The following JMJD1C variants were observed in gnomAD, a reference collection of about 807,000 sequenced individuals.
JMJD1C encodes jumonji domain containing 1C.
In JMJD1C, 31 loss-of-function variants were observed where a neutral mutation model predicts 245.3. The ratio of observed to expected loss-of-function variants is 0.13; its 90% CI spans 0.09 to 0.17. The LOEUF (loss-of-function observed/expected upper bound fraction) is 0.17, where lower values mean the gene tolerates loss of function less well. Among genes scored for constraint, JMJD1C ranks in the 10% least tolerant of loss-of-function variants. The pLI, the probability that JMJD1C is intolerant of heterozygous loss-of-function variation, is 1.00. For missense variants in JMJD1C, 2,691 were observed against 3,000.2 expected (o/e 0.90, Z 2.41); for synonymous variants, 1,057 against 1,017.4 (o/e 1.04, Z -0.74).
At chr10:63,386,013 A>C (rs747103359) in intron 1 of JMJD1C, among the ~76,000 whole-genome samples, 4 of 152,144 alleles carry the variant, frequency 2.6e-5, no homozygotes, top group Non-Finnish European at 5.9e-5. Flanking sequence ...TCACAAATGA[A>C]AAGATTCACT....
Position 63,193,549 on chromosome 10 carries a change from T to C in JMJD1C, c.5735-77A>G. On this transcript the variant is annotated intron_variant, in intron 14 of 25. Coordinates refer to ENST00000399262, the MANE Select transcript of JMJD1C (RefSeq NM_032776.3). ...TGTAAAATTTTTTTCTTACAATATT[T>C]TGTATTATAATTGGGAATAACGGAG... 3.9e-6 allele frequency: 4 copies of C among 1,018,518 alleles called. No individual in the cohort carries two copies. In the South Asian group the frequency reaches 7.4e-5, roughly 19 times the overall value. The allele number at this position is 1,018,518 out of a possible 1,614,324, so 63.1% of individuals were successfully genotyped here. A position where few individuals can be genotyped will look rare whatever the true frequency, so the allele number is the denominator to read the frequency against.
intron 2 of JMJD1C, among the ~76,000 whole-genome samples, chr10:63,276,567 C>T (rs1040924185): frequency 6.6e-6 from 1 of 152,064 alleles, no homozygotes; most frequent in African/African-American, 2.4e-5. Context: ...TGCCTGTGAT[C>T]CCAGCTACTC....
chr10:63,517,138 G>C (rs1250965003), intron 1 of JMJD1C, among the ~76,000 whole-genome samples: 1 of 152,130 alleles, frequency 6.6e-6, no homozygotes, highest in Non-Finnish European at 1.5e-5. Context: ...GAAATGCGAA[G>C]GTGACCTAGT....
intron 3 of JMJD1C, among the ~76,000 whole-genome samples, chr10:63,230,699 C>G (rs976482722): frequency 6.6e-6 from 1 of 151,840 alleles, no homozygotes; most frequent in African/African-American, 2.4e-5. Context: ...CACTTGAACC[C>G]AGCAAGCAGA....
chr10:63,200,583 C>A lies in JMJD1C; in HGVS notation c.5169G>T (p.Glu1723Asp). 3.1e-6 allele frequency: 5 copies of A among 1,613,962 alleles called. No homozygotes were observed. Among genetic ancestry groups the A allele is most frequent in the Non-Finnish European group, 4.2e-6 (5 of 1,179,898 alleles). The change falls in exon 11 of 26, where the codon GAG (glutamate) becomes GAT (aspartate). Residue 1723 changes from glutamate to aspartate, a missense_variant. Around this residue, in one of 9 missense-constraint regions of JMJD1C, gnomAD observed 139 missense variants for 270.5 expected, o/e 0.51. Transcript: ENST00000399262. ...GACACTTTTGTAAATTAGGCCCTAT[C>A]TCACAGCAGGAGTCATCCTGTAAAA... The part of the protein sequence containing the change: ...ESFLQDDSCC[E>D]IGPNLQKCRE...
At chr10:63,192,809 T>C in intron 16 of JMJD1C, 129 bp downstream of exon 16, 1 of 697,616 alleles carries the variant, frequency 1.4e-6, no homozygotes, top group Non-Finnish European at 2.4e-6. Flanking sequence ...ACCTAACCCA[T>C]AATTCAAGAA....
chr10:63,343,377 C>CAA (rs377040804), intron 2 of JMJD1C, among the ~76,000 whole-genome samples: 24 of 131,674 alleles, frequency 1.8e-4, no homozygotes, highest in African/African-American at 4.6e-4. Context: ...AAAAAAAAAA[C>CAA]AAAAAAAAAA....
chr10:63,242,195 T>C (rs932709784), intron 3 of JMJD1C, among the ~76,000 whole-genome samples: 1 of 152,094 alleles, frequency 6.6e-6, no homozygotes, highest in African/African-American at 2.4e-5. Context: ...CCAAAATACA[T>C]GGATGTCATT....
chr10:63,203,489 A>AT (rs1554835069), intron 10 of JMJD1C: 10 of 984,156 alleles, frequency 1.0e-5, no homozygotes, highest in Non-Finnish European at 1.2e-5. Context: ...CTTAAAAAAT[A>AT]TTTTTTTGGA....
intron 2 of JMJD1C, among the ~76,000 whole-genome samples, chr10:63,363,549 C>T (rs960946521): frequency 2.6e-4 from 39 of 152,114 alleles, no homozygotes; most frequent in African/African-American, 8.9e-4. Flanking sequence ...TGAGCCACCA[C>T]GCCTAACCCA....
At chr10:63,272,241 T>A (rs934805430) in intron 2 of JMJD1C, among the ~76,000 whole-genome samples, 3 of 152,144 alleles carry the variant, frequency 2.0e-5, no homozygotes, top group African/African-American at 7.2e-5. Flanking sequence ...AGAACATGCA[T>A]GATCCAGAAG....
chr10:63,337,583 GA>G (rs1318103518), intron 2 of JMJD1C, among the ~76,000 whole-genome samples: 2 of 91,328 alleles, frequency 2.2e-5, no homozygotes, highest in African/African-American at 6.9e-5. Context: ...GAAAAGAAAA[GA>G]AAAGAAAAGA....
Position 63,248,247 on chromosome 10 carries a change from G to A in JMJD1C, c.447+16404C>T, listed in dbSNP as rs1180026537. 3.9e-5 allele frequency among the ~76,000 whole-genome samples: 6 copies of A among 152,238 alleles called. No individual in the cohort carries two copies. In the East Asian group the frequency reaches 1.2e-3, roughly 29 times the overall value. On this transcript the variant is annotated intron_variant, in intron 3 of 25. Coordinates refer to ENST00000399262, the MANE Select transcript of JMJD1C (RefSeq NM_032776.3). ...GGAGGCCGAGGCAGGTGGATCACAA[G>A]GTCAGGAGATCGAGACCAGCCTGAC... is the stretch of plus-strand genomic sequence containing the variant.
At chr10:63,375,802 G>A (rs761963185) in intron 2 of JMJD1C, among the ~76,000 whole-genome samples, 17 of 151,596 alleles carry the variant, frequency 1.1e-4, no homozygotes, top group African/African-American at 2.4e-5. Context: ...CAATCCTCTC[G>A]CCTTAGCCTC....
intron 2 of JMJD1C, among the ~76,000 whole-genome samples, chr10:63,342,750 T>C (rs1031631771): frequency 5.9e-5 from 9 of 152,226 alleles, no homozygotes; most frequent in African/African-American, 1.2e-4. Context: ...TACTTATCAA[T>C]AGCATATAAT....
chr10:63,258,190 T>G (rs1854220469), intron 3 of JMJD1C, among the ~76,000 whole-genome samples: 1 of 152,218 alleles, frequency 6.6e-6, no homozygotes, highest in Non-Finnish European at 1.5e-5. Context: ...GTAGACAGTA[T>G]TTACAGTTGA....
intron 1 of JMJD1C, chr10:63,521,637 G>A: frequency 7.8e-7 from 1 of 1,275,980 alleles, no homozygotes; most frequent in Non-Finnish European, 1.0e-6. Context: ...TGTGGGAAGG[G>A]GAAGGAGCCG....
At chr10:63,486,286 CAGA>C (rs1954001182) in intron 1 of JMJD1C, among the ~76,000 whole-genome samples, 1 of 151,448 alleles carries the variant, frequency 6.6e-6, no homozygotes, top group African/African-American at 2.4e-5. Context: ...GATTGGGAGA[CAGA>C]AGAAGCATGG....
chr10:63,393,276 A>C (rs754879073), intron 1 of JMJD1C, among the ~76,000 whole-genome samples: 2 of 152,150 alleles, frequency 1.3e-5, no homozygotes, highest in African/African-American at 2.4e-5. Context: ...TCAAAAGTGA[A>C]AAAGAAAATA....
Sources: allele counts gnomAD v4.1 joint callset (sites outside exome capture counted in the v4.1 genomes callset), GRCh38; gene constraint gnomAD v4.1.1; regional missense constraint gnomAD v4.1.1; transcripts MANE v1.5; gene names NCBI Gene and HGNC (gene_info 2026-07-23, HGNC 2026-07-21).